The following GALNT13 variants were observed in gnomAD, a reference collection of about 807,000 sequenced individuals.
GALNT13 encodes polypeptide N-acetylgalactosaminyltransferase 13.
Under a neutral mutation model 64.2 loss-of-function variants are expected in GALNT13, and 28 were observed. That is an observed-to-expected ratio of 0.44 (90% CI 0.32 to 0.60). The LOEUF (loss-of-function observed/expected upper bound fraction) is 0.60, where lower values mean the gene tolerates loss of function less well. GALNT13 is among the 20% of genes least tolerant of loss of function. The probability of loss-of-function intolerance (pLI) is 0.05; values close to 1 mark genes in which losing one functional copy is unlikely to be tolerated. For synonymous variants in GALNT13, 214 were observed against 224.6 expected, an observed-to-expected ratio of 0.95 and a Z score of 0.42; for missense variants, 577 against 669.8, an observed-to-expected ratio of 0.86 and a Z score of 1.53.
chr2:153,369,428 A>T, the GALNT13 span, among the ~76,000 whole-genome samples: 2 of 152,022 alleles, frequency 1.3e-5, no homozygotes, highest in Non-Finnish European at 1.5e-5. Flanking sequence ...GTCTAAAAAA[A>T]TAAGAGAGAA....
chr2:153,432,391 T>C, the GALNT13 span, among the ~76,000 whole-genome samples: 1 of 152,210 alleles, frequency 6.6e-6, no homozygotes, highest in East Asian at 1.9e-4. Context: ...ATCTGTTTTG[T>C]TGGAAGAAGG....
the GALNT13 span, among the ~76,000 whole-genome samples, chr2:153,446,567 C>T: frequency 3.9e-5 from 6 of 152,106 alleles, no homozygotes; most frequent in South Asian, 6.2e-4. Context: ...GAACTTCAGG[C>T]GAATCTATCA....
chr2:153,850,229 T>C, the GALNT13 span, among the ~76,000 whole-genome samples: 1 of 150,796 alleles, frequency 6.6e-6, no homozygotes, highest in African/African-American at 2.4e-5. Context: ...AAATGAAACA[T>C]AGAGAACAAA....
chr2:153,729,063 A>G, the GALNT13 span, among the ~76,000 whole-genome samples: 1 of 152,172 alleles, frequency 6.6e-6, no homozygotes, highest in African/African-American at 2.4e-5. Context: ...AGAGGTACAA[A>G]GAAGAGCTGG....
At chr2:153,785,159 G>T in the GALNT13 span, among the ~76,000 whole-genome samples, 7 of 152,126 alleles carry the variant, frequency 4.6e-5, no homozygotes, top group African/African-American at 1.7e-4. Context: ...TTGCTTTCAG[G>T]CTTTGGAGAG....
chr2:153,891,452 C>A (rs532854110), intron 1 of GALNT13, among the ~76,000 whole-genome samples: 13 of 152,118 alleles, frequency 8.5e-5, no homozygotes, highest in Middle Eastern at 3.4e-3. Flanking sequence ...TTTGAAATCA[C>A]AACGCCTTTA....
the GALNT13 span, among the ~76,000 whole-genome samples, chr2:153,317,924 T>C: frequency 6.6e-6 from 1 of 152,144 alleles, no homozygotes; most frequent in Non-Finnish European, 1.5e-5. Context: ...GCATTCTCTC[T>C]GGGTATGTAC....
chr2:153,581,846 A>C, the GALNT13 span, among the ~76,000 whole-genome samples: 1 of 152,124 alleles, frequency 6.6e-6, no homozygotes, highest in Non-Finnish European at 1.5e-5. Context: ...GGGATGTTCA[A>C]TAATTTTGAC....
At chr2:154,172,827 A>C (rs948020232) in intron 4 of GALNT13, among the ~76,000 whole-genome samples, 1 of 152,156 alleles carries the variant, frequency 6.6e-6, no homozygotes, top group South Asian at 2.1e-4. Flanking sequence ...ATTGAAGAGT[A>C]CAAAAAAATT....
At chr2:153,489,343 T>C in the GALNT13 span, among the ~76,000 whole-genome samples, 1 of 152,188 alleles carries the variant, frequency 6.6e-6, no homozygotes. Flanking sequence ...ATTTTTGTTC[T>C]TTATATATTA....
the GALNT13 span, among the ~76,000 whole-genome samples, chr2:153,626,656 G>T: frequency 6.6e-6 from 1 of 152,080 alleles, no homozygotes; most frequent in African/African-American, 2.4e-5. Context: ...CATCATCATT[G>T]TTGGTGAAAA....
At chr2:154,035,594 C>A (rs556289502) in intron 3 of GALNT13, among the ~76,000 whole-genome samples, 1 of 152,018 alleles carries the variant, frequency 6.6e-6, no homozygotes, top group African/African-American at 2.4e-5. Flanking sequence ...TTTTTAAATA[C>A]ACTTAAACAG....
intron 4 of GALNT13, among the ~76,000 whole-genome samples, chr2:154,223,448 C>CTTTTTTTTTTTTTTTT (rs61230257): frequency 1.6e-5 from 2 of 124,310 alleles, no homozygotes; most frequent in African/African-American, 3.1e-5. Flanking sequence ...TTTTCTTTTT[C>CTTTTTTTTTTTTTTTT]TTTTTTTTTT....
At chr2:153,433,313 G>A in the GALNT13 span, among the ~76,000 whole-genome samples, 1 of 152,238 alleles carries the variant, frequency 6.6e-6, no homozygotes, top group South Asian at 2.1e-4. Flanking sequence ...ACATGAAGTG[G>A]CAATGGGATG....
chr2:154,455,489 T>C (rs576753928), downstream of GALNT13, among the ~76,000 whole-genome samples: 28 of 152,314 alleles, frequency 1.8e-4, no homozygotes, highest in South Asian at 8.3e-4. Flanking sequence ...TCCAGTTCAG[T>C]TGGGCAGCAA....
At chr2:154,073,077 A>T (rs1170487178) in intron 3 of GALNT13, among the ~76,000 whole-genome samples, 1 of 152,002 alleles carries the variant, frequency 6.6e-6, no homozygotes, top group African/African-American at 2.4e-5. Context: ...GCACTGATTG[A>T]GACAGGAAGT....
In GALNT13 at chr2:154,241,479, A is replaced by G. The variant is rs186669116; in HGVS notation, c.312-551A>G. The stretch of plus-strand genomic sequence containing the variant: ...AAAACATAGGGAAATTTTAGAGGCC[A>G]GGATGCATTTAGTAGATTCTGAATC... On this transcript the variant is annotated intron_variant, in intron 4 of 12. Transcript: ENST00000392825. Among the ~76,000 whole-genome samples, 567 of 152,356 alleles carry G rather than the reference A, an allele frequency of 3.7e-3. 4 individuals carry two copies. The highest frequency in any genetic ancestry group is 0.012 in the Admixed American group (183 of 15,304).
At chr2:153,644,634 C>A in the GALNT13 span, among the ~76,000 whole-genome samples, 4 of 151,954 alleles carry the variant, frequency 2.6e-5, no homozygotes, top group African/African-American at 9.7e-5. Context: ...TCTGACACTC[C>A]CCAGCCTCCA....
intron 3 of GALNT13, among the ~76,000 whole-genome samples, chr2:154,138,240 C>G (rs1414475545): frequency 6.6e-6 from 1 of 151,908 alleles, no homozygotes; most frequent in Admixed American, 6.6e-5. Context: ...GTTCTTTGAC[C>G]TTCATTTTCC....
Sources: allele counts gnomAD v4.1 joint callset (sites outside exome capture counted in the v4.1 genomes callset), GRCh38; gene constraint gnomAD v4.1.1; transcripts MANE v1.5; gene names NCBI Gene and HGNC (gene_info 2026-07-23, HGNC 2026-07-21).